AVL9: variants seen among roughly 807,000 people sequenced by gnomAD.
The protein encoded by AVL9 is late secretory pathway protein AVL9 homolog.
Under a neutral mutation model 79.2 loss-of-function variants are expected in AVL9, and 49 were observed. That is an observed-to-expected ratio of 0.62 (90% CI 0.49 to 0.79). The LOEUF (loss-of-function observed/expected upper bound fraction) is 0.79, where lower values mean the gene tolerates loss of function less well. AVL9 is among the 30% of genes least tolerant of loss of function. AVL9 has a pLI of 0.00. For missense variants in AVL9, 682 were observed against 776.8 expected, an observed-to-expected ratio of 0.88 and a Z score of 1.45; for synonymous variants, 299 against 280.6, an observed-to-expected ratio of 1.07 and a Z score of -0.65.
intron 1 of AVL9, among the ~76,000 whole-genome samples, chr7:32,510,297 T>C (rs1310711253): frequency 6.7e-6 from 1 of 148,540 alleles, no homozygotes; most frequent in Non-Finnish European, 1.5e-5. Flanking sequence ...AAGGTGAGAT[T>C]TGTGAGCTGT....
intron 1 of AVL9, among the ~76,000 whole-genome samples, chr7:32,496,526 A>T (rs543275830): frequency 7.2e-5 from 11 of 152,340 alleles, no homozygotes; most frequent in South Asian, 2.1e-4. Flanking sequence ...CAGCATCTGA[A>T]ATGGAATATT....
At chr7:32,558,388 C>A (rs1489684651) in intron 8 of AVL9, among the ~76,000 whole-genome samples, 171 bp from the exon 9 acceptor site, 1 of 152,112 alleles carries the variant, frequency 6.6e-6, no homozygotes, top group Non-Finnish European at 1.5e-5. Flanking sequence ...GATCTCCTGA[C>A]CTCGTGATCC....
intron 1 of AVL9, among the ~76,000 whole-genome samples, chr7:32,502,445 G>A (rs1261353000): frequency 6.7e-6 from 1 of 149,058 alleles, no homozygotes; most frequent in African/African-American, 2.5e-5. Flanking sequence ...CATGTTTCAT[G>A]GCCTACCTTT....
chr7:32,557,001 T>C (rs1583571406), intron 8 of AVL9, among the ~76,000 whole-genome samples: 1 of 152,148 alleles, frequency 6.6e-6, no homozygotes, highest in African/African-American at 2.4e-5. Flanking sequence ...TTGAAAGTAA[T>C]TTGTAGACAT....
chr7:32,550,164 G>A (rs1006957446), intron 4 of AVL9, among the ~76,000 whole-genome samples: 12 of 152,118 alleles, frequency 7.9e-5, no homozygotes, highest in Non-Finnish European at 1.6e-4. Flanking sequence ...TTCAAAGGAC[G>A]ATTACAATAA....
intron 1 of AVL9, among the ~76,000 whole-genome samples, chr7:32,525,062 T>C (rs551112796): frequency 9.8e-5 from 15 of 152,328 alleles, no homozygotes; most frequent in African/African-American, 3.6e-4. Context: ...CAGTGCCTGA[T>C]GGTTCTCATG....
chr7:32,508,809 T>G (rs1562753262), intron 1 of AVL9, among the ~76,000 whole-genome samples: 1 of 152,232 alleles, frequency 6.6e-6, no homozygotes. Flanking sequence ...TGTTCCTGTA[T>G]TCTGTGACAT....
At chr7:32,521,931 G>A (rs1254881265) in intron 1 of AVL9, among the ~76,000 whole-genome samples, 2 of 152,218 alleles carry the variant, frequency 1.3e-5, no homozygotes, top group Non-Finnish European at 2.9e-5. Flanking sequence ...TCAGGTTGTG[G>A]CCTCAGAGGG....
chr7:32,577,930 C>G (rs1283831257), intron 13 of AVL9, among the ~76,000 whole-genome samples: 1 of 152,078 alleles, frequency 6.6e-6, no homozygotes, highest in Admixed American at 6.6e-5. Context: ...TGACAAAAGG[C>G]AGATTAATAG....
rs1341565446 is a variant in AVL9 at position 32,520,955 on chromosome 7, A to G, written c.94-22186A>G. ...CATGCTATTCTCGTGATAGTGAATA[A>G]GTCACACGAGATCTGATGGGTTTAT... On this transcript the variant is annotated intron_variant, in intron 1 of 15. Transcript: ENST00000318709. Among the ~76,000 whole-genome samples the G allele has an allele frequency of 3.3e-5, 5 of 152,118 alleles. No individual in the cohort carries two copies. The East Asian group carries it at 9.7e-4, about 29-fold the overall frequency.
intron 12 of AVL9, among the ~76,000 whole-genome samples, chr7:32,574,566 ATAG>A (rs1790999092): frequency 6.6e-6 from 1 of 152,246 alleles, no homozygotes; most frequent in Non-Finnish European, 1.5e-5. Flanking sequence ...GCACTGAATA[ATAG>A]TAGCTCACTT....
intron 1 of AVL9, among the ~76,000 whole-genome samples, chr7:32,503,576 A>AAC (rs1554332773): frequency 1.3e-5 from 2 of 148,508 alleles, no homozygotes; most frequent in Non-Finnish European, 3.0e-5. Flanking sequence ...AAAAAAAAAA[A>AAC]CTAGATTTGA....
chr7:32,502,384 C>A (rs545607663), intron 1 of AVL9, among the ~76,000 whole-genome samples: 29 of 52,062 alleles, frequency 5.6e-4, no homozygotes, highest in African/African-American at 1.8e-3. Flanking sequence ...GAGAGTAAAA[C>A]CCTTTCTCAA....
intron 10 of AVL9, among the ~76,000 whole-genome samples, chr7:32,568,346 GC>G (rs1456490735): frequency 6.6e-6 from 1 of 151,758 alleles, no homozygotes; most frequent in African/African-American, 2.4e-5. Flanking sequence ...GATTACAGGT[GC>G]CCGCCACCAT....
intron 1 of AVL9, among the ~76,000 whole-genome samples, chr7:32,521,737 T>TG (rs959174755): frequency 1.3e-5 from 2 of 152,174 alleles, no homozygotes; most frequent in African/African-American, 4.8e-5. Flanking sequence ...CCCAAGACCA[T>TG]GGGGAAGATG....
At position 32,583,856 on chromosome 7, in the gene AVL9, C is replaced by T. The variant is rs1791637716; in HGVS notation, c.1896C>T (p.Phe632=). 6.2e-7 allele frequency: 1 copy of T among 1,614,104 alleles called. No homozygotes were observed. The highest frequency in any genetic ancestry group is 1.3e-5 in the African/African-American group (1 of 75,018). ...KTAMSSWLST[F]TTSTSQSLTE... is the part of the protein sequence containing the mutation. ...CTATGTCTTCATGGCTTTCCACTTT[C>T]ACCACTTCCACCTCCCAAAGTCTCA... Residue 632 remains phenylalanine (F), a synonymous_variant, in exon 16 of 16, where the codon TTC becomes TTT. Transcript: ENST00000318709.
At position 32,514,019 on chromosome 7, in the gene AVL9, A is replaced by C. The variant is rs568855072; in HGVS notation, c.93+18217A>C. Among the ~76,000 whole-genome samples the C allele has an allele frequency of 9.8e-5, 15 of 152,352 alleles. No individual in the cohort carries two copies. In the South Asian group the frequency reaches 2.9e-3, roughly 29 times the overall value. ...CCACCATGATGTCTCACCTCCAGCC[A>C]TAAGGCGGTTTTCTCCTATCTCAGA... On this transcript the variant is annotated intron_variant, in intron 1 of 15. Coordinates refer to ENST00000318709, the MANE Select transcript of AVL9 (RefSeq NM_015060.3).
chr7:32,572,801 C>CAAA lies in AVL9; in HGVS notation c.1351-384_1351-382dup, dbSNP rs3080635. On this transcript the variant is annotated intron_variant, in intron 11 of 15. Transcript: ENST00000318709. ...TGGGCGACAGAGCAAGACTCCGTCT[C>CAAA]AAAAAAAAAAAAAAAAGAATATTCT... Among the ~76,000 whole-genome samples, 700 of 93,432 alleles carry CAAA rather than the reference C, an allele frequency of 7.5e-3. 41 individuals carry two copies. The highest frequency in any genetic ancestry group is 0.017 in the African/African-American group (343 of 19,838). 61.3% of individuals were successfully genotyped at this position (93,432 alleles called of 152,430 possible).
chr7:32,540,725 A>G (rs572453161), intron 1 of AVL9, among the ~76,000 whole-genome samples: 15 of 152,246 alleles, frequency 9.9e-5, no homozygotes, highest in Middle Eastern at 3.4e-3. Flanking sequence ...CTGTTGTGCC[A>G]GTGTACCGTA....
Sources: allele counts gnomAD v4.1 joint callset (sites outside exome capture counted in the v4.1 genomes callset), GRCh38; gene constraint gnomAD v4.1.1; transcripts MANE v1.5; gene names NCBI Gene and HGNC (gene_info 2026-07-23, HGNC 2026-07-21).